Variants in ZNF354B observed in about 807,000 individuals in gnomAD.
The protein encoded by ZNF354B is zinc finger protein 354B.
In ZNF354B, 10 loss-of-function variants were observed where a neutral mutation model predicts 12.9. That is an observed-to-expected ratio of 0.77 (90% CI 0.48 to 1.31). The LOEUF (loss-of-function observed/expected upper bound fraction) is 1.31. ZNF354B is among the 40% of genes most tolerant of loss of function. The pLI, the probability that ZNF354B is intolerant of heterozygous loss-of-function variation, is 0.00. For missense variants in ZNF354B, 614 were observed against 711.7 expected (o/e 0.86, Z 1.56); for synonymous variants, 260 against 243.7 (o/e 1.07, Z -0.62).
intron 4 of ZNF354B, among the ~76,000 whole-genome samples, chr5:178,869,338 A>T (rs750638523): frequency 1.3e-5 from 2 of 151,806 alleles, no homozygotes; most frequent in African/African-American, 4.8e-5. Flanking sequence ...TTTTTTTTTT[A>T]AAAAGGGGAA....
At position 178,883,418 on chromosome 5, in the gene ZNF354B, A is replaced by G; in HGVS notation, c.966A>G (p.Gln322=). 6.2e-7 allele frequency: 1 copy of G among 1,614,094 alleles called. No individual in the cohort carries two copies. Among genetic ancestry groups the G allele is most frequent in the East Asian group, 2.2e-5 (1 of 44,868 alleles). ...TTATACATCAAAAAATCCATGCTCA[A>G]GAAAATCCCCATAAATACAATCCAG... The part of the protein sequence containing the change: ...GLFIHQKIHA[Q]ENPHKYNPGR... The change falls in exon 5 of 5, where the codon CAA becomes CAG. Residue 322 remains glutamine (Q), a synonymous_variant. Coordinates refer to ENST00000322434, the MANE Select transcript of ZNF354B (RefSeq NM_058230.3).
intron 4 of ZNF354B, among the ~76,000 whole-genome samples, chr5:178,878,992 C>G (rs1378750050): frequency 6.6e-6 from 1 of 151,434 alleles, no homozygotes; most frequent in East Asian, 2.0e-4. Context: ...TGAGCCACCA[C>G]ACCCGGCTGA....
chr5:178,873,380 T>C (rs1757590486), intron 4 of ZNF354B, among the ~76,000 whole-genome samples: 1 of 152,242 alleles, frequency 6.6e-6, no homozygotes, highest in African/African-American at 2.4e-5. Context: ...ACTTAGATCA[T>C]GAAGATTTTC....
intron 2 of ZNF354B, among the ~76,000 whole-genome samples, chr5:178,865,874 A>G (rs1040990631): frequency 6.6e-6 from 1 of 152,104 alleles, no homozygotes; most frequent in South Asian, 2.1e-4. Context: ...TAACACCATG[A>G]TAAGTATCCT....
chr5:178,881,058 G>A (rs975980037), intron 4 of ZNF354B, among the ~76,000 whole-genome samples: 1 of 151,500 alleles, frequency 6.6e-6, no homozygotes, highest in African/African-American at 2.4e-5. Context: ...TGGCCAGGCT[G>A]GTCTCAAACT....
intron 1 of ZNF354B, chr5:178,860,565 C>G (rs1249480415): frequency 1.0e-5 from 2 of 191,882 alleles, no homozygotes; most frequent in Admixed American, 1.1e-4. Context: ...AGAGAGGAAC[C>G]GGCTGGGAAA....
At chr5:178,878,132 C>T (rs1395637450) in intron 4 of ZNF354B, among the ~76,000 whole-genome samples, 1 of 152,060 alleles carries the variant, frequency 6.6e-6, no homozygotes, top group Non-Finnish European at 1.5e-5. Context: ...GCCTGTAATC[C>T]CAGCACTTTG....
At chr5:178,865,150 T>C (rs1757427941) in intron 2 of ZNF354B, among the ~76,000 whole-genome samples, 1 of 152,230 alleles carries the variant, frequency 6.6e-6, no homozygotes, top group Admixed American at 6.5e-5. Flanking sequence ...CTTATTTCTT[T>C]ATTAAGTATG....
intron 4 of ZNF354B, among the ~76,000 whole-genome samples, chr5:178,867,437 G>A (rs558715166): frequency 6.6e-6 from 1 of 152,224 alleles, no homozygotes; most frequent in Non-Finnish European, 1.5e-5. Context: ...GAAGGGCCGC[G>A]TAGTAAGTGC....
intron 2 of ZNF354B, among the ~76,000 whole-genome samples, chr5:178,863,869 G>T (rs1561665624): frequency 6.6e-6 from 1 of 151,974 alleles, no homozygotes; most frequent in Non-Finnish European, 1.5e-5. Flanking sequence ...AATTTTTAAA[G>T]TAAAAATAAA....
At chr5:178,872,607 C>T (rs1439871093) in intron 4 of ZNF354B, among the ~76,000 whole-genome samples, 1 of 152,136 alleles carries the variant, frequency 6.6e-6, no homozygotes, top group East Asian at 1.9e-4. Flanking sequence ...TCACCAGTAG[C>T]ATGTGAATGA....
intron 4 of ZNF354B, among the ~76,000 whole-genome samples, chr5:178,867,395 A>G (rs1332032659): frequency 6.6e-6 from 1 of 152,158 alleles, no homozygotes; most frequent in East Asian, 1.9e-4. Context: ...GGAAAGGAGG[A>G]GGTGAGGAAG....
chr5:178,882,754 A>G lies in ZNF354B; in HGVS notation c.302A>G (p.Asp101Gly). 1 of 1,577,084 alleles carries G rather than the reference A, an allele frequency of 6.3e-7. No individual in the cohort carries two copies. The highest frequency in any genetic ancestry group is 1.2e-5 in the South Asian group (1 of 83,498). The change falls in exon 5 of 5, where the codon GAT becomes GGT. Residue 101 changes from aspartate to glycine, a missense_variant. Asp to Gly is a moderately conservative substitution (Grantham distance 94). Coordinates refer to ENST00000322434, the MANE Select transcript of ZNF354B (RefSeq NM_058230.3). ...PKMTKSTQTQ[D>G]SFQEQIRKRL... The stretch of plus-strand genomic sequence containing the variant: ...ATGACAAAGTCAACTCAAACTCAGG[A>G]TTCATTTCAGGAGCAGATAAGGAAA...
intron 4 of ZNF354B, 99 bp from the exon 5 acceptor site, chr5:178,882,610 A>T (rs1757732522): frequency 8.0e-7 from 1 of 1,257,666 alleles, no homozygotes; most frequent in African/African-American, 1.5e-5. Flanking sequence ...TTAGTCATAT[A>T]GCAAACCCTT....
intron 1 of ZNF354B, among the ~76,000 whole-genome samples, 195 bp downstream of exon 1, chr5:178,860,322 C>T (rs1757325980): frequency 7.1e-6 from 1 of 140,716 alleles, no homozygotes; most frequent in Admixed American, 7.1e-5. Flanking sequence ...GCCTCTGGCT[C>T]GCGCCGCCCG....
chr5:178,874,903 T>G (rs1757614297), intron 4 of ZNF354B, among the ~76,000 whole-genome samples: 1 of 152,226 alleles, frequency 6.6e-6, no homozygotes, highest in Non-Finnish European at 1.5e-5. Context: ...TCAGTTGACT[T>G]CTTTTTGAAT....
rs1239120098 is a variant in ZNF354B, at chr5:178,883,377, C to T, written c.925C>T (p.Arg309Ter). Residue 309 changes from arginine to a stop codon, truncating the protein, a stop_gained, in exon 5 of 5, where the codon CGA becomes TGA. Coordinates refer to ENST00000322434, the MANE Select transcript of ZNF354B (RefSeq NM_058230.3). LOFTEE classifies it low-confidence loss of function (END_TRUNC). ...RCKECGKSFSRRSGLFIHQKI... is the reference protein window; with the variant it reads ...RCKECGKSFS ...TAAAGAATGTGGTAAATCCTTCAGT[C>T]GAAGGTCTGGGCTTTTTATACATCA... The T allele has an allele frequency of 3.7e-6, 6 of 1,613,894 alleles. No individual in the cohort carries two copies. The highest frequency in any genetic ancestry group is 2.2e-5 in the East Asian group (1 of 44,870).
chr5:178,873,974 G>C (rs1418420600), intron 4 of ZNF354B, among the ~76,000 whole-genome samples: 1 of 145,844 alleles, frequency 6.9e-6, no homozygotes, highest in Non-Finnish European at 1.5e-5. Context: ...TTTTGAGATG[G>C]AGTCTCACAC....
At chr5:178,872,257 T>C (rs1231124226) in intron 4 of ZNF354B, among the ~76,000 whole-genome samples, 1 of 109,056 alleles carries the variant, frequency 9.2e-6, no homozygotes, top group Non-Finnish European at 1.9e-5. Flanking sequence ...GTTATGGGAT[T>C]TTTTTTTTTG....
Sources: allele counts gnomAD v4.1 joint callset (sites outside exome capture counted in the v4.1 genomes callset), GRCh38; gene constraint gnomAD v4.1.1; transcripts MANE v1.5; gene names NCBI Gene and HGNC (gene_info 2026-07-23, HGNC 2026-07-21).